The following SOX5 variants were observed in gnomAD, a reference collection of about 807,000 sequenced individuals.
The protein encoded by SOX5 is transcription factor SOX-5.
SOX5 carries 9 observed loss-of-function variants against 92.0 expected under a neutral mutation model. The ratio of observed to expected loss-of-function variants is 0.10; its 90% CI spans 0.06 to 0.17. The LOEUF is 0.17. Among genes scored for constraint, SOX5 ranks in the 10% least tolerant of loss-of-function variants. The pLI, the probability that SOX5 is intolerant of heterozygous loss-of-function variation, is 1.00. For synonymous variants in SOX5, 344 were observed against 336.3 expected, an observed-to-expected ratio of 1.02 and a Z score of -0.25; for missense variants, 642 against 944.5, an observed-to-expected ratio of 0.68 and a Z score of 4.20.
At chr12:23,841,017 C>T (rs74495915) in intron 3 of SOX5, among the ~76,000 whole-genome samples, 5,993 of 152,098 alleles carry the variant, frequency 0.039, 178 homozygotes, top group Middle Eastern at 0.075. Context: ...GTTTATTCCT[C>T]AAAAGACAAT....
intron 1 of SOX5, among the ~76,000 whole-genome samples, chr12:23,935,706 G>T (rs1405130827): frequency 6.6e-6 from 1 of 151,016 alleles, no homozygotes; most frequent in Non-Finnish European, 1.5e-5. Context: ...AAGAAAATTA[G>T]AAGTTTATAT....
In SOX5 at chr12:23,529,575, AT is replaced by A. The variant is rs1328287161; in HGVS notation, c.*4643del. ...TACTGAAAAAGGAGAATGCAAAAAAATAAAATAAAATAAACAAAAAACAAAA... is the reference window on the plus strand; with the variant it reads ...TACTGAAAAAGGAGAATGCAAAAAAAAAAATAAAATAAACAAAAAACAAAA... On this transcript the variant is annotated 3_prime_UTR_variant, in exon 15 of 15. Transcript: ENST00000451604. 3.9e-5 allele frequency: 6 copies of A among 152,180 alleles called. No individual in the cohort carries two copies. Among genetic ancestry groups the A allele is most frequent in the Admixed American group, 2.0e-4 (3 of 15,268 alleles). The allele number at this position is 152,180 out of a possible 1,614,324, so 9.4% of individuals were successfully genotyped here. A position where few individuals can be genotyped will look rare whatever the true frequency, so the allele number is the denominator to read the frequency against.
intron 4 of SOX5, among the ~76,000 whole-genome samples, chr12:24,124,709 G>T (rs4963566): frequency 0.99 from 151,119 of 152,332 alleles, 74,968 homozygotes; most frequent in Middle Eastern, 1. Flanking sequence ...CTGGTCTCCA[G>T]TGGAGACTAA....
intron 2 of SOX5, among the ~76,000 whole-genome samples, chr12:23,855,870 C>T (rs181247686): frequency 1.3e-4 from 20 of 152,180 alleles, no homozygotes; most frequent in South Asian, 6.2e-4. Flanking sequence ...CGCTCTGTTA[C>T]GCCACCACAC....
intron 1 of SOX5, among the ~76,000 whole-genome samples, chr12:24,399,735 A>T (rs1399118778): frequency 6.6e-6 from 1 of 152,238 alleles, no homozygotes; most frequent in Non-Finnish European, 1.5e-5. Context: ...AGAGCCATGG[A>T]AACATTAATA....
At chr12:24,047,030 T>C (rs971581014) in intron 4 of SOX5, among the ~76,000 whole-genome samples, 66 of 124,098 alleles carry the variant, frequency 5.3e-4, no homozygotes, top group African/African-American at 1.8e-3. Context: ...CTCCAACCTA[T>C]TCAAAATATT....
chr12:23,971,066 A>G (rs1305608316), intron 4 of SOX5, among the ~76,000 whole-genome samples: 2 of 142,940 alleles, frequency 1.4e-5, no homozygotes, highest in African/African-American at 5.2e-5. Flanking sequence ...TGAACATTTG[A>G]TACTTTGTTA....
chr12:23,767,243 CACACAT>C (rs1213002030), intron 3 of SOX5, among the ~76,000 whole-genome samples: 66 of 140,096 alleles, frequency 4.7e-4, no homozygotes, highest in Admixed American at 8.7e-4. Context: ...CACACACACA[CACACAT>C]ATATATATTC....
chr12:23,592,253 T>C (rs1314484417), intron 9 of SOX5, among the ~76,000 whole-genome samples: 1 of 152,220 alleles, frequency 6.6e-6, no homozygotes, highest in Non-Finnish European at 1.5e-5. Context: ...TTTCATATTA[T>C]TCTGATAAGA....
At chr12:24,351,829 G>T (rs138764798) in intron 2 of SOX5, among the ~76,000 whole-genome samples, 1 of 152,158 alleles carries the variant, frequency 6.6e-6, no homozygotes, top group African/African-American at 2.4e-5. Flanking sequence ...TAGATTATTT[G>T]CACTTACTTT....
At chr12:24,107,662 G>C (rs1380953697) in intron 4 of SOX5, among the ~76,000 whole-genome samples, 1 of 152,196 alleles carries the variant, frequency 6.6e-6, no homozygotes, top group Non-Finnish European at 1.5e-5. Flanking sequence ...AGGAGTTCCT[G>C]CATCTTTAAC....
intron 4 of SOX5, among the ~76,000 whole-genome samples, chr12:24,008,844 T>C (rs553865754): frequency 6.6e-6 from 1 of 152,272 alleles, no homozygotes; most frequent in South Asian, 2.1e-4. Context: ...TCACCTCCTC[T>C]TAAGATTGTG....
chr12:23,888,115 C>T (rs897699816), intron 2 of SOX5, among the ~76,000 whole-genome samples: 1 of 152,046 alleles, frequency 6.6e-6, no homozygotes, highest in African/African-American at 2.4e-5. Flanking sequence ...TACCTTCATA[C>T]TACATAACAC....
chr12:23,695,595 T>C (rs1205079952), intron 6 of SOX5, among the ~76,000 whole-genome samples: 3 of 152,084 alleles, frequency 2.0e-5, no homozygotes, highest in African/African-American at 2.4e-5. Flanking sequence ...ATTTTATTAA[T>C]CTAGTCAATT....
chr12:23,695,036 C>G (rs1458094043), intron 6 of SOX5, among the ~76,000 whole-genome samples: 1 of 151,406 alleles, frequency 6.6e-6, no homozygotes, highest in African/African-American at 2.4e-5. Context: ...GGGAGAATCA[C>G]CAGAGCCTGG....
intron 2 of SOX5, among the ~76,000 whole-genome samples, chr12:24,356,298 G>C (rs1954820532): frequency 6.6e-6 from 1 of 152,218 alleles, no homozygotes; most frequent in Admixed American, 6.5e-5. Flanking sequence ...TAGGGAACCA[G>C]CACATCTGGC....
intron 11 of SOX5, among the ~76,000 whole-genome samples, chr12:23,549,034 A>G (rs1943681790): frequency 6.6e-6 from 1 of 151,978 alleles, no homozygotes; most frequent in African/African-American, 2.4e-5. Context: ...CCTATGCACT[A>G]TCATGTATAA....
intron 4 of SOX5, chr12:24,212,394 G>A (rs748322353): frequency 1.9e-6 from 1 of 533,600 alleles, no homozygotes; most frequent in Non-Finnish European, 3.8e-6. Context: ...TTATCTCTCT[G>A]TATAATGAAA....
At chr12:24,023,484 G>C (rs1954542641) in intron 4 of SOX5, among the ~76,000 whole-genome samples, 1 of 152,062 alleles carries the variant, frequency 6.6e-6, no homozygotes, top group African/African-American at 2.4e-5. Context: ...ATTGGAGAAG[G>C]AAAATTTATC....
Sources: gnomAD v4.1 joint callset for allele counts (sites outside exome capture counted in the v4.1 genomes callset) on GRCh38, gnomAD v4.1.1 for gene constraint, MANE v1.5 for transcripts, NCBI Gene and HGNC (gene_info 2026-07-23, HGNC 2026-07-21) for gene names.